RNGTT: variants seen among roughly 807,000 people sequenced by gnomAD.
RNGTT encodes the protein mRNA-capping enzyme.
A neutral mutation model predicts 79.3 loss-of-function variants in RNGTT; 33 were observed. The ratio of observed to expected loss-of-function variants is 0.42; its 90% CI spans 0.32 to 0.56. The LOEUF (loss-of-function observed/expected upper bound fraction) is 0.56. RNGTT is among the 20% of genes least tolerant of loss of function. The pLI is 0.17. For synonymous variants in RNGTT, 222 were observed against 235.9 expected (o/e 0.94, Z 0.54); for missense variants, 497 against 739.1 (o/e 0.67, Z 3.80).
intron 1 of RNGTT, among the ~76,000 whole-genome samples, chr6:88,956,177 GATACAACAAAAATATAAAAGATC>G (rs1785425459): frequency 6.6e-6 from 1 of 150,448 alleles, no homozygotes; most frequent in Admixed American, 6.6e-5. Flanking sequence ...TATTACAACC[GATACAACAAAAATATAAAAGATC>G]ATTCAATAGT....
At chr6:88,692,108 G>C (rs1775503842) in intron 13 of RNGTT, among the ~76,000 whole-genome samples, 1 of 152,116 alleles carries the variant, frequency 6.6e-6, no homozygotes, top group South Asian at 2.1e-4. Context: ...ACAACAAAAT[G>C]ATGGTTTTCA....
chr6:88,756,565 G>A (rs9444644), intron 13 of RNGTT, among the ~76,000 whole-genome samples: 3,977 of 152,208 alleles, frequency 0.026, 173 homozygotes, highest in African/African-American at 0.091. Context: ...CTAAATTCTT[G>A]TGTTAAAAAT....
At chr6:88,628,495 C>T (rs1201116741) in intron 14 of RNGTT, among the ~76,000 whole-genome samples, 1 of 152,090 alleles carries the variant, frequency 6.6e-6, no homozygotes, top group East Asian at 1.9e-4. Context: ...GAGGAAATAG[C>T]AAATTCATTA....
intron 8 of RNGTT, among the ~76,000 whole-genome samples, chr6:88,877,934 C>T (rs1361532783): frequency 2.6e-5 from 4 of 152,160 alleles, no homozygotes; most frequent in East Asian, 1.9e-4. Flanking sequence ...CTTTAAATGA[C>T]GAGATCTGGC....
At chr6:88,857,062 G>C (rs1781867414) in intron 8 of RNGTT, among the ~76,000 whole-genome samples, 1 of 152,090 alleles carries the variant, frequency 6.6e-6, no homozygotes, top group Admixed American at 6.6e-5. Flanking sequence ...ATGGATTACA[G>C]AAAAGCCAGA....
intron 14 of RNGTT, among the ~76,000 whole-genome samples, chr6:88,639,940 T>C (rs1773246101): frequency 6.6e-6 from 1 of 152,138 alleles, no homozygotes; most frequent in Admixed American, 6.5e-5. Flanking sequence ...CACCCTTCAA[T>C]TCGTGGCTTA....
chr6:88,699,691 A>AT (rs1007378810), intron 13 of RNGTT, among the ~76,000 whole-genome samples: 19 of 152,256 alleles, frequency 1.2e-4, no homozygotes, highest in Admixed American at 9.2e-4. Flanking sequence ...AACACAATGG[A>AT]TTTTTTTAAC....
chr6:88,886,592 T>C (rs1412367429), intron 8 of RNGTT, among the ~76,000 whole-genome samples: 2 of 152,166 alleles, frequency 1.3e-5, no homozygotes, highest in Non-Finnish European at 1.5e-5. Context: ...ATTAGAAGAT[T>C]TTTTAAATGC....
At chr6:88,612,973 A>C in intron 15 of RNGTT, 91 bp from the exon 16 acceptor site, 1 of 1,157,810 alleles carries the variant, frequency 8.6e-7, no homozygotes, top group South Asian at 1.6e-5. Context: ...ATCCCAATAT[A>C]CTAAATACTT....
chr6:88,659,586 G>T, intron 14 of RNGTT, among the ~76,000 whole-genome samples: 1 of 148,366 alleles, frequency 6.7e-6, no homozygotes, highest in East Asian at 1.9e-4. Context: ...AACCCAATCA[G>T]ACAAAGACAA....
intron 4 of RNGTT, among the ~76,000 whole-genome samples, chr6:88,921,835 T>C (rs760659002): frequency 2.0e-4 from 31 of 152,090 alleles, no homozygotes; most frequent in Non-Finnish European, 3.8e-4. Context: ...AAATACAATA[T>C]AGTAACTGTT....
chr6:88,785,281 T>C (rs1779190872), intron 12 of RNGTT, among the ~76,000 whole-genome samples: 1 of 152,088 alleles, frequency 6.6e-6, no homozygotes, highest in South Asian at 2.1e-4. Context: ...TACCAATATA[T>C]CATCATTAGC....
Position 88,843,548 on chromosome 6 carries a change from C to CTT in RNGTT, c.1269+807_1269+808dup, listed in dbSNP as rs11312733. ...ACATCTTGGAATATTTAGTATGATT[C>CTT]TTTTTTTTTTTTTTTTTTTTTTTTT... On this transcript the variant is annotated intron_variant, in intron 11 of 15. Transcript: ENST00000369485. Among the ~76,000 whole-genome samples, 204 of 66,662 alleles carry CTT rather than the reference C, an allele frequency of 3.1e-3. 27 individuals carry two copies. Among genetic ancestry groups the CTT allele is most frequent in the African/African-American group, 1.0e-2 (147 of 14,764 alleles). 43.7% of individuals were successfully genotyped at this position (66,662 alleles called of 152,430 possible).
chr6:88,842,537 C>A (rs1781329901), intron 11 of RNGTT, among the ~76,000 whole-genome samples: 1 of 151,984 alleles, frequency 6.6e-6, no homozygotes, highest in South Asian at 2.1e-4. Context: ...CATGTGAGAA[C>A]ACAGGGCATG....
At chr6:88,834,538 A>G (rs1337506498) in intron 11 of RNGTT, among the ~76,000 whole-genome samples, 1 of 152,228 alleles carries the variant, frequency 6.6e-6, no homozygotes, top group Admixed American at 6.5e-5. Flanking sequence ...TAATTTCATT[A>G]AAAATTAGGC....
At chr6:88,693,711 C>G (rs1031602940) in intron 13 of RNGTT, among the ~76,000 whole-genome samples, 7 of 152,108 alleles carry the variant, frequency 4.6e-5, no homozygotes, top group Non-Finnish European at 1.0e-4. Flanking sequence ...CAATGAAATA[C>G]TAGCAAATCA....
chr6:88,703,320 CTAGA>C (rs55677356), intron 13 of RNGTT, among the ~76,000 whole-genome samples: 9 of 152,250 alleles, frequency 5.9e-5, no homozygotes, highest in Admixed American at 4.6e-4. Context: ...CAATGGTGGA[CTAGA>C]TAAAGAACAT....
At chr6:88,689,810 G>A (rs528629831) in intron 13 of RNGTT, among the ~76,000 whole-genome samples, 8 of 150,036 alleles carry the variant, frequency 5.3e-5, no homozygotes, top group Non-Finnish European at 1.2e-4. Context: ...GAAAATGAAA[G>A]TTTAGTGAGA....
rs9451110 is a variant in RNGTT, at chr6:88,948,586, C to G, written c.65-7406G>C. On this transcript the variant is annotated intron_variant, in intron 1 of 15. Coordinates refer to ENST00000369485, the MANE Select transcript of RNGTT (RefSeq NM_003800.5). Reference sequence around the variant, plus strand: ...CTGGGAAGTGAGTAGCCCCTCTGCCCGGCCACCACCCCGTCTGGGAGGTGT... The same window carrying G: ...CTGGGAAGTGAGTAGCCCCTCTGCCGGGCCACCACCCCGTCTGGGAGGTGT... Among the ~76,000 whole-genome samples, 1,124 of 142,954 alleles carry G rather than the reference C, an allele frequency of 7.9e-3. 8 individuals are homozygous for G. Among genetic ancestry groups the G allele is most frequent in the African/African-American group, 0.026 (1,038 of 39,770 alleles). The allele number at this position is 142,954 out of a possible 152,430, so 93.8% of individuals were successfully genotyped here. A position where few individuals can be genotyped will look rare whatever the true frequency, so the allele number is the denominator to read the frequency against.
Sources: gnomAD v4.1 joint callset for allele counts (sites outside exome capture counted in the v4.1 genomes callset) on GRCh38, gnomAD v4.1.1 for gene constraint, MANE v1.5 for transcripts, NCBI Gene and HGNC (gene_info 2026-07-23, HGNC 2026-07-21) for gene names.